The following CLDN6 variants were observed in gnomAD, a reference collection of about 807,000 sequenced individuals.
CLDN6 encodes the protein claudin 6, also known as claudin-6.
For synonymous variants in CLDN6, 144 were observed against 131.2 expected, an observed-to-expected ratio of 1.10 and a Z score of -0.67; for missense variants, 279 against 284.1, an observed-to-expected ratio of 0.98 and a Z score of 0.13.
Position 3,015,998 on chromosome 16 carries a change from G to A in CLDN6, c.24C>T (p.Ile8=). The part of the protein sequence containing the change: MASAGMQ[I]LGVVLTLLGW... ...CCAGCAGTGTCAGGACGACTCCCAGGATCTGCATTCCGGCAGAGGCCATGG... is the reference window on the plus strand; with the variant it reads ...CCAGCAGTGTCAGGACGACTCCCAGAATCTGCATTCCGGCAGAGGCCATGG... Residue 8 remains isoleucine, a synonymous_variant, in exon 2 of 2, where the codon ATC becomes ATT. Coordinates refer to ENST00000328796, the MANE Select transcript of CLDN6 (RefSeq NM_021195.5). 1.2e-6 allele frequency: 2 copies of A among 1,613,824 alleles called. No homozygotes were observed. Among genetic ancestry groups the A allele is most frequent in the South Asian group, 1.1e-5 (1 of 91,078 alleles).
rs2072559445 is a variant in CLDN6 at position 3,015,475 on chromosome 16, A to G, written c.547T>C (p.Cys183Arg). The G allele has an allele frequency of 3.7e-6, 6 of 1,604,994 alleles. No homozygotes were observed. In the Admixed American group the frequency reaches 6.8e-5, roughly 18 times the overall value. ...TGGGACCCCCCCGAGGGGCAAGTGC[A>G]GCACAGCAACCCCCCACCCAGCAAC... ...LLLLGGGLLCCTCPSGGSQGP... is the reference protein window; with the variant it reads ...LLLLGGGLLCRTCPSGGSQGP... The change falls in exon 2 of 2, where the codon TGC (cysteine) becomes CGC (arginine). Residue 183 changes from cysteine (C) to arginine (R), a missense_variant. Physicochemically the swap from Cys to Arg is radical, Grantham distance 180. Transcript: ENST00000328796.
At chr16:3,017,876 G>C (rs1259705097) in intron 1 of CLDN6, among the ~76,000 whole-genome samples, 1 of 150,308 alleles carries the variant, frequency 6.7e-6, no homozygotes, top group Non-Finnish European at 1.5e-5. Flanking sequence ...GGGGAGGGGC[G>C]CCCCGCCCCG....
intron 1 of CLDN6, among the ~76,000 whole-genome samples, chr16:3,017,532 G>C (rs1287832039): frequency 6.6e-6 from 1 of 152,120 alleles, no homozygotes; most frequent in Non-Finnish European, 1.5e-5. Context: ...GGCCGGCAGC[G>C]GTCGGAGGGC....
chr16:3,017,285 C>G (rs1052868924), intron 1 of CLDN6, among the ~76,000 whole-genome samples: 1 of 152,202 alleles, frequency 6.6e-6, no homozygotes, highest in Non-Finnish European at 1.5e-5. Context: ...ACCCTTCTGA[C>G]CTGCCCTAGG....
At position 3,014,964 on chromosome 16, in the gene CLDN6, G is replaced by GA. The variant is rs143075646; in HGVS notation, c.*394dup. ...AGAGGAGCTCCAGAGACCTGAGTAG[G>GA]ATGGGGGGCAGCTGTCCAGTGACAT... On this transcript the variant is annotated 3_prime_UTR_variant, in exon 2 of 2. Coordinates refer to ENST00000328796, the MANE Select transcript of CLDN6 (RefSeq NM_021195.5). 5,697 of 405,268 alleles carry GA rather than the reference G, an allele frequency of 0.014. 261 individuals carry two copies. Among genetic ancestry groups the GA allele is most frequent in the African/African-American group, 0.1 (5,023 of 48,620 alleles). The allele number at this position is 405,268 out of a possible 1,614,324, so 25.1% of individuals were successfully genotyped here.
In CLDN6 at chr16:3,015,767, G is replaced by A. The variant is rs760207628; in HGVS notation, c.255C>T (p.Val85=). 6.2e-7 allele frequency: 1 copy of A among 1,613,996 alleles called. No individual in the cohort carries two copies. The highest frequency in any genetic ancestry group is 8.5e-7 in the Non-Finnish European group (1 of 1,180,056). The part of the protein sequence containing the change: ...QDLQAARALC[V]IALLVALFGL... ...CGAACAGGGCCACAAGGAGGGCGAT[G>A]ACACAGAGGGCACGTGCAGCCTGCA... is the stretch of plus-strand genomic sequence containing the variant. The change falls in exon 2 of 2, where the codon GTC becomes GTT. Residue 85 remains valine (V), a synonymous_variant. Transcript: ENST00000328796.
At chr16:3,017,568 C>G (rs2072575644) in intron 1 of CLDN6, among the ~76,000 whole-genome samples, 1 of 152,098 alleles carries the variant, frequency 6.6e-6, no homozygotes, top group Non-Finnish European at 1.5e-5. Context: ...GCCGGGGGCC[C>G]CAGGCCTGGG....
chr16:3,017,936 C>T (rs1444830548), intron 1 of CLDN6, among the ~76,000 whole-genome samples: 1 of 150,662 alleles, frequency 6.6e-6, no homozygotes, highest in East Asian at 2.0e-4. Context: ...GAGTCTTTGT[C>T]CCTGGGGAGG....
Position 3,015,072 on chromosome 16 carries a change from C to T in CLDN6, c.*287G>A, listed in dbSNP as rs2072556396. On this transcript the variant is annotated 3_prime_UTR_variant, in exon 2 of 2. Transcript: ENST00000328796. ...GCAAAGCCAGCACAGCAAGCAGCCT[C>T]CGCATTAGTTCCATAGCTTGACTGG... 1 of 435,258 alleles carries T rather than the reference C, an allele frequency of 2.3e-6. No homozygotes were observed. The allele number at this position is 435,258 out of a possible 1,614,324, so 27.0% of individuals were successfully genotyped here.
In CLDN6 at chr16:3,015,703, A is replaced by T; in HGVS notation, c.319T>A (p.Cys107Ser). The change falls in exon 2 of 2, where the codon TGT becomes AGT. Residue 107 changes from cysteine to serine, a missense_variant. Physicochemically the swap from Cys to Ser is moderately radical, Grantham distance 112. Coordinates refer to ENST00000328796, the MANE Select transcript of CLDN6 (RefSeq NM_021195.5). ...VYLAGAKCTT[C>S]VEEKDSKARL... ...GCCTTGGAATCCTTCTCCTCCACAC[A>T]GGTGGTACACTTGGCCCCAGCAAGG... The T allele has an allele frequency of 6.2e-7, 1 of 1,613,826 alleles. No individual in the cohort carries two copies. Among genetic ancestry groups the T allele is most frequent in the Non-Finnish European group, 8.5e-7 (1 of 1,180,048 alleles).
intron 1 of CLDN6, among the ~76,000 whole-genome samples, chr16:3,017,567 C>T (rs570482837): frequency 6.6e-6 from 1 of 152,230 alleles, no homozygotes; most frequent in East Asian, 1.9e-4. Flanking sequence ...AGCCGGGGGC[C>T]CCAGGCCTGG....
chr16:3,016,814 A>ATTTTTTTTTT (rs545186433), intron 1 of CLDN6, among the ~76,000 whole-genome samples: 1 of 150,964 alleles, frequency 6.6e-6, no homozygotes, highest in African/African-American at 2.5e-5. Context: ...CGCCCGGCTA[A>ATTTTTTTTTT]TTTTTTTGTA....
intron 1 of CLDN6, among the ~76,000 whole-genome samples, chr16:3,016,645 TA>T (rs2072569076): frequency 8.9e-6 from 1 of 112,548 alleles, no homozygotes; most frequent in African/African-American, 3.8e-5. Flanking sequence ...CACGCCCGGC[TA>T]ATTTTTTTTT....
rs757895046 is a variant in CLDN6, at chr16:3,015,557, G to T, written c.465C>A (p.Ala155=). Residue 155 remains alanine, a synonymous_variant, in exon 2 of 2, where the codon GCC becomes GCA. Coordinates refer to ENST00000328796, the MANE Select transcript of CLDN6 (RefSeq NM_021195.5). ...RDFYNPLVAE[A]QKRELGASLY... ...GGGAGGCCCCCAGCTCCCGCTTTTGGGCCTCAGCCACCAGGGGGTTATAGA... is the reference window on the plus strand; with the variant it reads ...GGGAGGCCCCCAGCTCCCGCTTTTGTGCCTCAGCCACCAGGGGGTTATAGA... 1.2e-6 allele frequency: 2 copies of T among 1,613,080 alleles called. No individual in the cohort carries two copies. The highest frequency in any genetic ancestry group is 1.1e-5 in the South Asian group (1 of 91,082).
In CLDN6 at chr16:3,014,888, G is replaced by A. The variant is rs554339176; in HGVS notation, c.*471C>T. On this transcript the variant is annotated 3_prime_UTR_variant, in exon 2 of 2. Coordinates refer to ENST00000328796, the MANE Select transcript of CLDN6 (RefSeq NM_021195.5). ...GGAGGAAACAGAGGTCAGAAGTTCC[G>A]GAGGTGGGCAGTCCTTTGTTAACAG... is the stretch of plus-strand genomic sequence containing the variant. 1.4e-4 allele frequency: 52 copies of A among 371,852 alleles called. No individual in the cohort carries two copies. The highest frequency in any genetic ancestry group is 2.2e-4 in the Non-Finnish European group (46 of 210,054). 23.0% of individuals were successfully genotyped at this position (371,852 alleles called of 1,614,324 possible). A position where few individuals can be genotyped will look rare whatever the true frequency, so the allele number is the denominator to read the frequency against.
Position 3,016,277 on chromosome 16 carries a change from C to A in CLDN6, c.-21-235G>T, listed in dbSNP as rs1310791435. On this transcript the variant is annotated intron_variant, in intron 1 of 1. Coordinates refer to ENST00000328796, the MANE Select transcript of CLDN6 (RefSeq NM_021195.5). ...GCACTGGCTGATGACAGTGACTGTG[C>A]AAGCAGCCCTGCCCTGGCTATCCTG... 2.6e-5 allele frequency among the ~76,000 whole-genome samples: 4 copies of A among 152,226 alleles called. No individual in the cohort carries two copies. In the East Asian group the frequency reaches 7.7e-4, roughly 29 times the overall value.
In CLDN6 at chr16:3,015,600, T is replaced by C. The variant is rs142244861; in HGVS notation, c.422A>G (p.His141Arg). 10 of 1,613,078 alleles carry C rather than the reference T, an allele frequency of 6.2e-6. No individual in the cohort carries two copies. In the African/African-American group the frequency reaches 1.3e-4, roughly 22 times the overall value. ...GTTATAGAAGTCCCGGATGATGGCA[T>C]GCGCCGTCCAGCACACGGGGATTAG... ...LTLIPVCWTA[H>R]AIIRDFYNPL... Residue 141 changes from histidine (H) to arginine (R), a missense_variant, in exon 2 of 2, where the codon CAT becomes CGT. By Grantham distance (29) the His-to-Arg change is conservative. Transcript: ENST00000328796.
At chr16:3,016,687 G>A (rs573603143) in intron 1 of CLDN6, among the ~76,000 whole-genome samples, 14 of 136,780 alleles carry the variant, frequency 1.0e-4, no homozygotes, top group African/African-American at 3.9e-4. Flanking sequence ...TCGCTCTGTC[G>A]CCCAGCCTGG....
At position 3,015,490 on chromosome 16, in the gene CLDN6, C is replaced by T. The variant is rs768426941; in HGVS notation, c.532G>A (p.Gly178Arg). The T allele has an allele frequency of 4.3e-6, 7 of 1,609,330 alleles. No individual in the cohort carries two copies. The highest frequency in any genetic ancestry group is 5.9e-6 in the Non-Finnish European group (7 of 1,177,754). ...GGGCAAGTGCAGCACAGCAACCCCC[C>T]ACCCAGCAACAAAAGGCCTGAGGCC... ...WAASGLLLLG[G>R]GLLCCTCPSG... The change falls in exon 2 of 2, where the codon GGG becomes AGG. Residue 178 changes from glycine (G) to arginine (R), a missense_variant. Gly to Arg is a moderately radical substitution (Grantham distance 125). Coordinates refer to ENST00000328796, the MANE Select transcript of CLDN6 (RefSeq NM_021195.5).
Sources: gnomAD v4.1 joint callset for allele counts (sites outside exome capture counted in the v4.1 genomes callset) on GRCh38, gnomAD v4.1.1 for gene constraint, MANE v1.5 for transcripts, NCBI Gene and HGNC (gene_info 2026-07-23, HGNC 2026-07-21) for gene names.